The following FAM133B variants were observed in gnomAD, a reference collection of about 807,000 sequenced individuals.
FAM133B encodes the protein protein FAM133B.
Under a neutral mutation model 46.4 loss-of-function variants are expected in FAM133B, and 25 were observed. The observed-to-expected ratio is 0.54, with a 90% CI of 0.39 to 0.75. FAM133B has a LOEUF of 0.75. Ranked by LOEUF, FAM133B falls within the 30% of genes least tolerant of loss-of-function variation. FAM133B has a pLI of 0.00. For missense variants in FAM133B, 205 were observed against 277.6 expected (o/e 0.74, Z 1.86); for synonymous variants, 75 against 86.0 (o/e 0.87, Z 0.71).
At chr7:92,588,217 G>T (rs1795090744) in intron 1 of FAM133B, among the ~76,000 whole-genome samples, 1 of 152,184 alleles carries the variant, frequency 6.6e-6, no homozygotes, top group Admixed American at 6.5e-5. Context: ...AGTAAGTAGA[G>T]CCCAGAGCTA....
At chr7:92,576,848 C>CA (rs1318985371) in intron 7 of FAM133B, among the ~76,000 whole-genome samples, 1 of 152,084 alleles carries the variant, frequency 6.6e-6, no homozygotes, top group Non-Finnish European at 1.5e-5. Flanking sequence ...TATCTGAACT[C>CA]TAACTTCTTT....
intron 1 of FAM133B, among the ~76,000 whole-genome samples, chr7:92,583,917 C>T (rs181450749): frequency 0.013 from 1,932 of 151,458 alleles, 47 homozygotes; most frequent in African/African-American, 0.045. Flanking sequence ...AGTGTGGTGG[C>T]GGGTGCCTAT....
rs1794329579 is a variant in FAM133B at position 92,565,783 on chromosome 7, G to C, written c.657+231C>G. ...CAGCCCTGAGCTTATATTTCTAACA[G>C]TAAAATACTGAAATGGAAACAGGAC... On this transcript the variant is annotated intron_variant, in intron 10 of 10. Transcript: ENST00000445716. 7.3e-6 allele frequency: 4 copies of C among 548,782 alleles called. No individual in the cohort carries two copies. In the South Asian group the frequency reaches 9.3e-5, roughly 13 times the overall value. The allele number at this position is 548,782 out of a possible 1,614,324, so 34.0% of individuals were successfully genotyped here.
chr7:92,580,021 G>C (rs1794820176), intron 2 of FAM133B, among the ~76,000 whole-genome samples: 1 of 152,106 alleles, frequency 6.6e-6, no homozygotes, highest in South Asian at 2.1e-4. Flanking sequence ...TCCTAAAACT[G>C]TTTGTACAAA....
chr7:92,587,227 T>C (rs964124508), intron 1 of FAM133B, among the ~76,000 whole-genome samples: 5 of 152,354 alleles, frequency 3.3e-5, no homozygotes, highest in Middle Eastern at 6.8e-3. Flanking sequence ...AAAACTATGA[T>C]TGTTTCATCA....
chr7:92,565,999 T>C lies in FAM133B; in HGVS notation c.657+15A>G, dbSNP rs755959190. Reference sequence around the variant, plus strand: ...ACCTATTCTATTGTCTGTAAAAACGTTAAGAGATACTTGCTGTTGCTTTTT... The same window carrying C: ...ACCTATTCTATTGTCTGTAAAAACGCTAAGAGATACTTGCTGTTGCTTTTT... On this transcript the variant is annotated intron_variant, in intron 10 of 10. Coordinates refer to ENST00000445716, the MANE Select transcript of FAM133B (RefSeq NM_152789.4). 3 of 1,613,620 alleles carry C rather than the reference T, an allele frequency of 1.9e-6. No homozygotes were observed. The Admixed American group carries it at 5.0e-5, about 27-fold the overall frequency.
At chr7:92,578,094 C>A (rs1415293815) in intron 5 of FAM133B, 56 bp downstream of exon 5, 5 of 1,468,336 alleles carry the variant, frequency 3.4e-6, no homozygotes, top group Non-Finnish European at 4.7e-6. Context: ...ATTATTCTTA[C>A]TTTTTTTGTT....
chr7:92,570,554 G>C (rs185974830), intron 8 of FAM133B, among the ~76,000 whole-genome samples: 1 of 152,092 alleles, frequency 6.6e-6, no homozygotes, highest in Non-Finnish European at 1.5e-5. Flanking sequence ...GAGCTGCATA[G>C]TGGATATGCT....
intron 1 of FAM133B, among the ~76,000 whole-genome samples, chr7:92,584,852 G>A (rs535662974): frequency 2.0e-5 from 3 of 152,140 alleles, no homozygotes; most frequent in Admixed American, 6.5e-5. Flanking sequence ...GGCTCAAAGC[G>A]TCCTCCTACT....
At chr7:92,586,687 G>A (rs1056102855) in intron 1 of FAM133B, among the ~76,000 whole-genome samples, 2 of 152,182 alleles carry the variant, frequency 1.3e-5, no homozygotes, top group African/African-American at 4.8e-5. Context: ...GTCTCAAGGG[G>A]ATATGTATGG....
At chr7:92,569,793 T>C in intron 9 of FAM133B, 30 bp downstream of exon 9, 1 of 1,120,950 alleles carries the variant, frequency 8.9e-7, no homozygotes, top group Non-Finnish European at 1.2e-6. Flanking sequence ...CATTTTAAAA[T>C]AGAGAAAATG....
chr7:92,565,933 A>G (rs1794332815), intron 10 of FAM133B, 81 bp downstream of exon 10: 1 of 1,437,144 alleles, frequency 7.0e-7, no homozygotes, highest in Non-Finnish European at 9.7e-7. Context: ...CAGTAAATCC[A>G]ATCAAGCTTT....
chr7:92,584,869 A>G (rs1300184439), intron 1 of FAM133B, among the ~76,000 whole-genome samples: 1 of 152,108 alleles, frequency 6.6e-6, no homozygotes, highest in African/African-American at 2.4e-5. Flanking sequence ...TACTTGGGTA[A>G]TAAAATTTGG....
intron 8 of FAM133B, among the ~76,000 whole-genome samples, chr7:92,572,387 G>T (rs1794558074): frequency 6.6e-6 from 1 of 152,168 alleles, no homozygotes; most frequent in African/African-American, 2.4e-5. Flanking sequence ...GCACATCCTA[G>T]AACTTAGAAA....
chr7:92,589,903 A>C, intron 1 of FAM133B: 1 of 300,526 alleles, frequency 3.3e-6, no homozygotes, highest in South Asian at 4.7e-5. Flanking sequence ...GGATGCGTCC[A>C]AGGGCCTAAG....
chr7:92,588,704 G>A (rs979096133), intron 1 of FAM133B, among the ~76,000 whole-genome samples: 2 of 152,152 alleles, frequency 1.3e-5, no homozygotes, highest in Non-Finnish European at 2.9e-5. Flanking sequence ...GAGGTGACTG[G>A]ATCATGGGGG....
At position 92,562,353 on chromosome 7, in the gene FAM133B, T is replaced by C; in HGVS notation, c.673A>G (p.Lys225Glu). Residue 225 changes from lysine to glutamate, a missense_variant, in exon 11 of 11, where the codon AAA becomes GAA. Physicochemically the swap from Lys to Glu is moderately conservative, Grantham distance 56. Transcript: ENST00000445716. ...TTACTGTGTTTCTTATGCTTCTTTT[T>C]CTTTTTTGTTTTTTCCTGTAAAGAT... is the stretch of plus-strand genomic sequence containing the variant. ...REKATEKTKK[K>E]KKHKKHSKKK... The C allele has an allele frequency of 2.6e-6, 4 of 1,533,338 alleles. No homozygotes were observed. The highest frequency in any genetic ancestry group is 3.5e-6 in the Non-Finnish European group (4 of 1,145,226). 95.0% of individuals were successfully genotyped at this position (1,533,338 alleles called of 1,614,324 possible).
intron 6 of FAM133B, 162 bp downstream of exon 6, chr7:92,577,493 A>T (rs1484620487): frequency 2.6e-5 from 13 of 496,902 alleles, no homozygotes; most frequent in Non-Finnish European, 4.5e-5. Context: ...ACCAATATTT[A>T]AGTTCCTAGT....
chr7:92,583,837 T>C (rs1218695849), intron 1 of FAM133B, among the ~76,000 whole-genome samples: 1 of 151,586 alleles, frequency 6.6e-6, no homozygotes, highest in Admixed American at 6.6e-5. Flanking sequence ...TCACCTGAAG[T>C]CAGGAGTTCG....
Sources: allele counts gnomAD v4.1 joint callset (sites outside exome capture counted in the v4.1 genomes callset), GRCh38; gene constraint gnomAD v4.1.1; transcripts MANE v1.5; gene names NCBI Gene and HGNC (gene_info 2026-07-23, HGNC 2026-07-21).